CSMD3: variants seen among roughly 807,000 people sequenced by gnomAD.
CSMD3 encodes the protein CUB and Sushi multiple domains 3, also known as CUB and sushi domain-containing protein 3.
Under a neutral mutation model 435.2 loss-of-function variants are expected in CSMD3, and 177 were observed. The ratio of observed to expected loss-of-function variants is 0.41; its 90% CI spans 0.36 to 0.46. The LOEUF is 0.46. Among genes scored for constraint, CSMD3 ranks in the 20% least tolerant of loss-of-function variants. CSMD3 has a pLI of 0.34. For missense variants in CSMD3, 4,265 were observed against 4,504.6 expected, an observed-to-expected ratio of 0.95 and a Z score of 1.52; for synonymous variants, 1,656 against 1,520.5, an observed-to-expected ratio of 1.09 and a Z score of -2.07.
rs560189110 is a variant in CSMD3 at position 112,493,694 on chromosome 8, G to A, written c.5084-1011C>T. Among the ~76,000 whole-genome samples the A allele has an allele frequency of 2.0e-5, 3 of 152,258 alleles. No individual in the cohort carries two copies. In the East Asian group the frequency reaches 5.8e-4, roughly 29 times the overall value. On this transcript the variant is annotated intron_variant, in intron 30 of 70. Coordinates refer to ENST00000297405, the MANE Select transcript of CSMD3 (RefSeq NM_198123.2). ...TCATTGTACCCAGATATTGAACAAA[G>A]AGACTGACAGAATAATTTGAAAATA...
chr8:112,246,832 C>T (rs1392223613), intron 64 of CSMD3, among the ~76,000 whole-genome samples, 188 bp downstream of exon 64: 1 of 152,086 alleles, frequency 6.6e-6, no homozygotes, highest in Admixed American at 6.6e-5. Flanking sequence ...TTCTGACTTA[C>T]TTAGAGAGTG....
intron 38 of CSMD3, among the ~76,000 whole-genome samples, chr8:112,366,769 T>C (rs530934207): frequency 2.0e-5 from 3 of 152,104 alleles, no homozygotes; most frequent in Non-Finnish European, 2.9e-5. Flanking sequence ...AAAAACTCTT[T>C]ACAGGGCACT....
At chr8:112,864,791 C>T (rs1021013451) in intron 10 of CSMD3, among the ~76,000 whole-genome samples, 3 of 152,046 alleles carry the variant, frequency 2.0e-5, no homozygotes, top group African/African-American at 7.2e-5. Flanking sequence ...ATGCTAACAT[C>T]CTGATTTGAG....
intron 45 of CSMD3, among the ~76,000 whole-genome samples, chr8:112,328,412 G>A (rs1276922533): frequency 6.6e-6 from 1 of 152,178 alleles, no homozygotes; most frequent in East Asian, 1.9e-4. Context: ...AGATAGAAGT[G>A]TGTTCCAGCA....
chr8:112,804,651 ATTTATTTTAT>A (rs141780935), intron 12 of CSMD3, among the ~76,000 whole-genome samples: 21 of 9,164 alleles, frequency 2.3e-3, no homozygotes, highest in African/African-American at 4.7e-3. Flanking sequence ...AACTCATTGC[ATTTATTTTAT>A]TTTATTTTAT....
At chr8:113,392,989 A>G (rs922785268) in intron 1 of CSMD3, among the ~76,000 whole-genome samples, 37 of 150,468 alleles carry the variant, frequency 2.5e-4, no homozygotes, top group African/African-American at 7.6e-4. Flanking sequence ...ATACATATGT[A>G]TATATATATA....
chr8:112,627,426 C>A (rs929316624), intron 22 of CSMD3, among the ~76,000 whole-genome samples: 2 of 152,066 alleles, frequency 1.3e-5, no homozygotes, highest in Non-Finnish European at 2.9e-5. Context: ...CTCACTCTTG[C>A]AATTGCTTCT....
At chr8:113,185,500 T>C (rs892925711) in intron 3 of CSMD3, among the ~76,000 whole-genome samples, 1 of 151,990 alleles carries the variant, frequency 6.6e-6, no homozygotes, top group African/African-American at 2.4e-5. Context: ...CCCACTCATG[T>C]TGAGTATTAG....
chr8:113,136,244 C>T (rs922257691), intron 4 of CSMD3, among the ~76,000 whole-genome samples: 1 of 151,448 alleles, frequency 6.6e-6, no homozygotes, highest in Non-Finnish European at 1.5e-5. Flanking sequence ...TATTTGATAC[C>T]AAGCACTTTA....
intron 4 of CSMD3, among the ~76,000 whole-genome samples, chr8:113,161,700 A>C (rs2092043009): frequency 6.6e-6 from 1 of 152,166 alleles, no homozygotes; most frequent in Non-Finnish European, 1.5e-5. Context: ...AAAAAAATCA[A>C]ATACACTTAA....
intron 10 of CSMD3, among the ~76,000 whole-genome samples, chr8:112,903,491 G>A (rs774283767): frequency 6.6e-6 from 1 of 151,220 alleles, no homozygotes; most frequent in Non-Finnish European, 1.5e-5. Context: ...GGCGAAGGGG[G>A]ATCAACAACC....
At chr8:112,500,787 C>T (rs1291734696) in intron 30 of CSMD3, among the ~76,000 whole-genome samples, 5 of 152,168 alleles carry the variant, frequency 3.3e-5, no homozygotes, top group Admixed American at 6.5e-5. Flanking sequence ...TAGGAAAAGG[C>T]TACCTGGGAC....
At chr8:112,661,288 A>AT (rs1373858073) in intron 17 of CSMD3, among the ~76,000 whole-genome samples, 1 of 152,158 alleles carries the variant, frequency 6.6e-6, no homozygotes. Context: ...AAACAGTCTA[A>AT]TTTCAAATAT....
intron 2 of CSMD3, among the ~76,000 whole-genome samples, chr8:113,293,158 C>T (rs543306449): frequency 1.3e-5 from 2 of 151,376 alleles, no homozygotes; most frequent in South Asian, 4.2e-4. Flanking sequence ...AACATCTATA[C>T]TCTCATAGGT....
intron 6 of CSMD3, among the ~76,000 whole-genome samples, chr8:113,016,329 T>A (rs559509627): frequency 6.6e-6 from 1 of 151,950 alleles, no homozygotes; most frequent in South Asian, 2.1e-4. Flanking sequence ...CTATTTAAAA[T>A]TATAATATCT....
At chr8:112,732,284 A>C (rs766584120) in intron 13 of CSMD3, among the ~76,000 whole-genome samples, 1 of 152,142 alleles carries the variant, frequency 6.6e-6, no homozygotes, top group Non-Finnish European at 1.5e-5. Context: ...GATAGCCCAC[A>C]AACAGTTAAG....
chr8:113,427,972 A>G (rs2094645963), intron 1 of CSMD3, among the ~76,000 whole-genome samples: 2 of 151,728 alleles, frequency 1.3e-5, no homozygotes, highest in South Asian at 4.1e-4. Context: ...GCTAAGGGTT[A>G]TAATGTTTAC....
Position 112,231,551 on chromosome 8 carries a change from T to C in CSMD3, c.10822A>G (p.Arg3608Gly), listed in dbSNP as rs1813088760. ...GKDYGQFGLQ[R>G]LGLNMSEGSN... The stretch of plus-strand genomic sequence containing the variant: ...ATCAAAATGAATACATTACCCAGTC[T>C]TTGTAGGCCAAATTGTCCATAATCT... Residue 3608 changes from arginine (R) to glycine (G), a missense_variant, in exon 69 of 71, where the codon AGA becomes GGA. By Grantham distance (125) the Arg-to-Gly change is moderately radical. Transcript: ENST00000297405. 6.3e-7 allele frequency: 1 copy of C among 1,594,086 alleles called. No homozygotes were observed. The highest frequency in any genetic ancestry group is 8.6e-7 in the Non-Finnish European group (1 of 1,162,124).
intron 3 of CSMD3, among the ~76,000 whole-genome samples, chr8:113,240,459 T>C (rs1397329422): frequency 1.3e-5 from 2 of 152,176 alleles, no homozygotes; most frequent in Admixed American, 1.3e-4. Context: ...GCTTAACTAA[T>C]TTACACTCCT....
Sources: allele counts gnomAD v4.1 joint callset (sites outside exome capture counted in the v4.1 genomes callset), GRCh38; gene constraint gnomAD v4.1.1; transcripts MANE v1.5; gene names NCBI Gene and HGNC (gene_info 2026-07-23, HGNC 2026-07-21).